KRT78: variants seen among roughly 807,000 people sequenced by gnomAD.
KRT78 encodes keratin 78, also known as keratin, type II cytoskeletal 78.
KRT78 carries 55 observed loss-of-function variants against 51.4 expected under a neutral mutation model. The observed-to-expected ratio is 1.07, with a 90% CI of 0.86 to 1.34. The LOEUF (loss-of-function observed/expected upper bound fraction) is 1.34. Among genes scored for constraint, KRT78 ranks in the 40% most tolerant of loss-of-function variants. KRT78 has a pLI of 0.00. For synonymous variants in KRT78, 291 were observed against 264.3 expected (o/e 1.10, Z -0.98); for missense variants, 652 against 649.4 (o/e 1.00, Z -0.04).
chr12:52,840,710 A>C (rs1181582170), intron 6 of KRT78, among the ~76,000 whole-genome samples: 1 of 152,088 alleles, frequency 6.6e-6, no homozygotes, highest in Non-Finnish European at 1.5e-5. Context: ...CATCTCAAAA[A>C]ATAGAAAGAA....
intron 3 of KRT78, 63 bp downstream of exon 3, chr12:52,846,701 G>A: frequency 7.0e-7 from 1 of 1,435,672 alleles, no homozygotes; most frequent in Non-Finnish European, 9.8e-7. Flanking sequence ...TCCCAGCCTA[G>A]GACTAGGCTC....
intron 6 of KRT78, among the ~76,000 whole-genome samples, chr12:52,841,726 C>A (rs976426390): frequency 6.6e-5 from 10 of 152,164 alleles, no homozygotes; most frequent in Non-Finnish European, 1.3e-4. Context: ...GGATCCTAAC[C>A]CACGTGGGCC....
intron 5 of KRT78, 53 bp from the exon 6 acceptor site, chr12:52,844,271 C>T (rs1273733076): frequency 6.5e-7 from 1 of 1,538,124 alleles, no homozygotes; most frequent in East Asian, 2.3e-5. Context: ...CCACCTTTGA[C>T]CATCTCCTCA....
At chr12:52,848,506 G>T (rs2120435087) in intron 1 of KRT78, 41 bp downstream of exon 1, 1 of 1,603,810 alleles carries the variant, frequency 6.2e-7, no homozygotes, top group South Asian at 1.1e-5. Flanking sequence ...GCTCCTCCAA[G>T]GGAGGCACAG....
At chr12:52,846,866 G>A (rs778265372) in intron 2 of KRT78, 42 bp from the exon 3 acceptor site, 1 of 1,507,572 alleles carries the variant, frequency 6.6e-7, no homozygotes, top group Non-Finnish European at 9.2e-7. Context: ...AGGCTCCACG[G>A]TCAGAGCTCA....
At chr12:52,846,163 C>T in intron 4 of KRT78, 34 bp downstream of exon 4, 3 of 1,504,716 alleles carry the variant, frequency 2.0e-6, no homozygotes, top group African/African-American at 1.4e-5. Flanking sequence ...AGTCCTCTCT[C>T]TTGGCTGCAG....
At position 52,839,979 on chromosome 12, in the gene KRT78, G is replaced by A. The variant is rs776707018; in HGVS notation, c.1053C>T (p.Ala351=). The change falls in exon 7 of 9, where the codon GCC becomes GCT. Residue 351 remains alanine (A), a synonymous_variant. Coordinates refer to ENST00000304620, the MANE Select transcript of KRT78 (RefSeq NM_173352.4). ...CATCAGTGATGGCGGCCTGCAGGCT[G>A]GCGTTCTGGAAGCGGGGTAGAAATG... ...SQTENLKKQN[A]SLQAAITDAE... is the part of the protein sequence containing the mutation. 1.2e-5 allele frequency: 19 copies of A among 1,612,322 alleles called. No homozygotes were observed. Among genetic ancestry groups the A allele is most frequent in the Non-Finnish European group, 1.5e-5 (18 of 1,178,736 alleles).
At chr12:52,840,100 A>G (rs1331388597) in intron 6 of KRT78, 116 bp from the exon 7 acceptor site, 4 of 704,848 alleles carry the variant, frequency 5.7e-6, no homozygotes, top group South Asian at 3.7e-5. Flanking sequence ...TATGAGCTCA[A>G]AATTATCCAT....
chr12:52,846,142 C>G, intron 4 of KRT78, 55 bp downstream of exon 4: 1 of 1,278,292 alleles, frequency 7.8e-7, no homozygotes, highest in Non-Finnish European at 1.1e-6. Flanking sequence ...CCACAGGAAG[C>G]CTGCCCACCC....
intron 6 of KRT78, among the ~76,000 whole-genome samples, chr12:52,841,408 ACCC>A (rs1169284998): frequency 1.3e-5 from 2 of 149,370 alleles, no homozygotes; most frequent in African/African-American, 4.9e-5. Flanking sequence ...AATCGCTTGA[ACCC>A]GGGAGGCGGA....
At position 52,839,996 on chromosome 12, in the gene KRT78, G is replaced by T; in HGVS notation, c.1048-12C>A. 8 of 1,602,746 alleles carry T rather than the reference G, an allele frequency of 5.0e-6. No homozygotes were observed. The highest frequency in any genetic ancestry group is 6.8e-6 in the Non-Finnish European group (8 of 1,170,636). On this transcript the variant is annotated splice_polypyrimidine_tract_variant and intron_variant, in intron 6 of 8. Coordinates refer to ENST00000304620, the MANE Select transcript of KRT78 (RefSeq NM_173352.4). ...TGCAGGCTGGCGTTCTGGAAGCGGG[G>T]TAGAAATGAGCGAGAAGGTGGTTGT...
intron 6 of KRT78, among the ~76,000 whole-genome samples, chr12:52,841,732 G>A (rs1183814704): frequency 2.0e-5 from 3 of 152,182 alleles, no homozygotes; most frequent in African/African-American, 7.2e-5. Flanking sequence ...TAACCCACGT[G>A]GGCCTGCACA....
intron 4 of KRT78, among the ~76,000 whole-genome samples, chr12:52,845,259 G>A (rs903948185): frequency 2.0e-5 from 3 of 152,036 alleles, no homozygotes; most frequent in African/African-American, 7.2e-5. Flanking sequence ...ACCTGCCTCA[G>A]CCTCCCAAAG....
At chr12:52,843,027 A>G (rs1592144823) in intron 6 of KRT78, among the ~76,000 whole-genome samples, 1 of 40,866 alleles carries the variant, frequency 2.4e-5, no homozygotes, top group Non-Finnish European at 4.1e-5. Flanking sequence ...GGAGGGAGGG[A>G]GGGAGGGAGG....
chr12:52,847,512 T>C (rs1324200605), intron 2 of KRT78, among the ~76,000 whole-genome samples: 1 of 152,150 alleles, frequency 6.6e-6, no homozygotes, highest in Non-Finnish European at 1.5e-5. Context: ...TTCCCTTCCC[T>C]CTTTGGAACC....
At chr12:52,839,606 T>G in intron 7 of KRT78, 119 bp from the exon 8 acceptor site, 1 of 1,310,690 alleles carries the variant, frequency 7.6e-7, no homozygotes, top group Non-Finnish European at 1.0e-6. Context: ...AAATCCACAG[T>G]CTCCAACTTA....
intron 2 of KRT78, among the ~76,000 whole-genome samples, chr12:52,847,474 A>G (rs1253729184): frequency 1.3e-5 from 2 of 152,336 alleles, no homozygotes; most frequent in Middle Eastern, 6.8e-3. Context: ...ATTGTGTCAC[A>G]GGCCTGGGGA....
At chr12:52,841,435 C>T (rs943722259) in intron 6 of KRT78, among the ~76,000 whole-genome samples, 1 of 150,514 alleles carries the variant, frequency 6.6e-6, no homozygotes, top group African/African-American at 2.4e-5. Flanking sequence ...TGCAGTGAGC[C>T]GAGATCGCGC....
intron 1 of KRT78, 190 bp from the exon 2 acceptor site, chr12:52,848,311 G>A (rs897759787): frequency 2.0e-6 from 3 of 1,523,248 alleles, no homozygotes; most frequent in South Asian, 1.2e-5. Flanking sequence ...CTGACTAATG[G>A]GGCAGGGCCT....
Sources: gnomAD v4.1 joint callset for allele counts (sites outside exome capture counted in the v4.1 genomes callset) on GRCh38, gnomAD v4.1.1 for gene constraint, MANE v1.5 for transcripts, NCBI Gene and HGNC (gene_info 2026-07-23, HGNC 2026-07-21) for gene names.